Variants in SDK1 observed in about 807,000 individuals in gnomAD.
The protein encoded by SDK1 is sidekick cell adhesion molecule 1.
Under a neutral mutation model 245.5 loss-of-function variants are expected in SDK1, and 157 were observed. The observed-to-expected ratio is 0.64, with a 90% CI of 0.56 to 0.73. SDK1 has a LOEUF of 0.73. SDK1 is among the 30% of genes least tolerant of loss of function. The pLI, the probability that SDK1 is intolerant of heterozygous loss-of-function variation, is 0.00. For synonymous variants in SDK1, 1,647 were observed against 1,278.5 expected (o/e 1.29, Z -6.15); for missense variants, 3,583 against 3,002.3 (o/e 1.19, Z -4.52).
At chr7:3,304,007 A>T in intron 1 of SDK1, among the ~76,000 whole-genome samples, 1 of 152,148 alleles carries the variant, frequency 6.6e-6, no homozygotes, top group South Asian at 2.1e-4. Context: ...AGCTATGACT[A>T]ATTTCTCTGC....
intron 22 of SDK1, among the ~76,000 whole-genome samples, chr7:4,091,013 G>T (rs1781755374): frequency 6.6e-6 from 1 of 152,116 alleles, no homozygotes; most frequent in African/African-American, 2.4e-5. Flanking sequence ...CTGCTGCCCT[G>T]CTTGGACACC....
Position 3,789,976 on chromosome 7 carries a change from C to T in SDK1, c.714-31474C>T, listed in dbSNP as rs1000183935. On this transcript the variant is annotated intron_variant, in intron 4 of 44. Transcript: ENST00000404826. ...GTGGGAAGTTTACACACAGCATGGT[C>T]GCCAGCTAACTCTGCACCATTTCCT... Among the ~76,000 whole-genome samples the T allele has an allele frequency of 4.6e-5, 7 of 152,190 alleles. No homozygotes were observed. In the South Asian group the frequency reaches 1.0e-3, roughly 23 times the overall value.
chr7:3,677,277 A>G (rs1013013921), intron 4 of SDK1, among the ~76,000 whole-genome samples: 5 of 152,040 alleles, frequency 3.3e-5, no homozygotes, highest in African/African-American at 7.2e-5. Context: ...TTGGCCCTGG[A>G]TTCTTCTTTT....
intron 7 of SDK1, 98 bp from the exon 8 acceptor site, chr7:3,958,833 G>C: frequency 3.2e-6 from 3 of 944,864 alleles, no homozygotes; most frequent in Non-Finnish European, 5.0e-6. Context: ...AAATTTTCAA[G>C]AATGGTTTTT....
intron 37 of SDK1, 81 bp downstream of exon 37, chr7:4,208,366 G>A (rs1784347513): frequency 7.5e-7 from 1 of 1,328,550 alleles, no homozygotes; most frequent in East Asian, 2.4e-5. Flanking sequence ...CCCTCACACA[G>A]TGGTTCCCGG....
chr7:3,848,966 G>A (rs1020201670), intron 5 of SDK1, among the ~76,000 whole-genome samples: 2 of 152,158 alleles, frequency 1.3e-5, no homozygotes, highest in African/African-American at 2.4e-5. Context: ...CGCCGCGCCC[G>A]GCCTGGAGTT....
intron 4 of SDK1, among the ~76,000 whole-genome samples, chr7:3,660,073 G>C (rs1037313623): frequency 2.0e-5 from 3 of 152,130 alleles, no homozygotes; most frequent in Non-Finnish European, 4.4e-5. Context: ...TTAAAGGAAA[G>C]ATCAGACCGG....
intron 4 of SDK1, among the ~76,000 whole-genome samples, chr7:3,712,194 C>CCATCACTT (rs1344190434): frequency 6.6e-6 from 1 of 152,152 alleles, no homozygotes; most frequent in Non-Finnish European, 1.5e-5. Context: ...CAGCCATTCC[C>CCATCACTT]CATCACTTGC....
In SDK1 at chr7:4,166,018, G is replaced by C. The variant is rs190294429; in HGVS notation, c.4800+4162G>C. On this transcript the variant is annotated intron_variant, in intron 32 of 44. Coordinates refer to ENST00000404826, the MANE Select transcript of SDK1 (RefSeq NM_152744.4). The stretch of plus-strand genomic sequence containing the variant: ...TTCCCAGGCTGGTCTTAAACTCCTG[G>C]ACTCAAGCGATCCTCCTTCCTTGAC... 2.0e-5 allele frequency among the ~76,000 whole-genome samples: 3 copies of C among 150,636 alleles called. No individual in the cohort carries two copies. The East Asian group carries it at 5.9e-4, about 30-fold the overall frequency.
intron 5 of SDK1, among the ~76,000 whole-genome samples, chr7:3,922,712 C>G (rs1779637458): frequency 6.6e-6 from 1 of 152,170 alleles, no homozygotes; most frequent in South Asian, 2.1e-4. Context: ...ACAAAGCGTG[C>G]ACGTTTTACT....
chr7:3,669,805 T>G (rs531160905), intron 4 of SDK1, among the ~76,000 whole-genome samples: 1 of 152,312 alleles, frequency 6.6e-6, no homozygotes, highest in Admixed American at 6.5e-5. Context: ...ATTCATTGTA[T>G]TTTCCTGGAG....
At chr7:3,438,681 C>T (rs574743795) in intron 1 of SDK1, among the ~76,000 whole-genome samples, 1 of 152,206 alleles carries the variant, frequency 6.6e-6, no homozygotes, top group East Asian at 1.9e-4. Flanking sequence ...TCTCTATTGC[C>T]AACCCAAGTT....
chr7:3,718,575 ATAAATAAATAAATATC>A, intron 4 of SDK1, among the ~76,000 whole-genome samples: 1 of 55,436 alleles, frequency 1.8e-5, no homozygotes, highest in African/African-American at 5.9e-5. Context: ...AAATAAATAA[ATAAATAAATAAATATC>A]TAACACTCAT....
intron 2 of SDK1, among the ~76,000 whole-genome samples, chr7:3,622,633 A>C (rs1213080124): frequency 6.6e-6 from 1 of 152,220 alleles, no homozygotes; most frequent in African/African-American, 2.4e-5. Flanking sequence ...TTGTATTCTT[A>C]AGAGCCCTTG....
At chr7:3,952,609 TTATTC>T (rs1288606903) in intron 7 of SDK1, among the ~76,000 whole-genome samples, 1 of 151,868 alleles carries the variant, frequency 6.6e-6, no homozygotes, top group Non-Finnish European at 1.5e-5. Flanking sequence ...AATTTAGAAA[TTATTC>T]TATTAATTAT....
chr7:3,572,833 G>C (rs563773942), intron 1 of SDK1, among the ~76,000 whole-genome samples: 1 of 152,190 alleles, frequency 6.6e-6, no homozygotes, highest in African/African-American at 2.4e-5. Flanking sequence ...GAAAAATAGA[G>C]GGTGCTATTG....
At chr7:3,770,730 G>T (rs1392947135) in intron 4 of SDK1, among the ~76,000 whole-genome samples, 1 of 152,112 alleles carries the variant, frequency 6.6e-6, no homozygotes, top group Non-Finnish European at 1.5e-5. Flanking sequence ...TCAGTGGGCT[G>T]CCAGTTGGTT....
intron 7 of SDK1, among the ~76,000 whole-genome samples, chr7:3,953,836 C>T (rs1336006207): frequency 1.3e-5 from 2 of 152,104 alleles, no homozygotes; most frequent in Non-Finnish European, 2.9e-5. Context: ...AGTTAAATCC[C>T]CTTTTATTCA....
chr7:3,681,579 A>C (rs1784102396), intron 4 of SDK1, among the ~76,000 whole-genome samples: 1 of 152,212 alleles, frequency 6.6e-6, no homozygotes, highest in South Asian at 2.1e-4. Context: ...ATAACACTTA[A>C]TGTCTTTTGA....
Sources: allele counts gnomAD v4.1 joint callset (sites outside exome capture counted in the v4.1 genomes callset), GRCh38; gene constraint gnomAD v4.1.1; transcripts MANE v1.5; gene names NCBI Gene and HGNC (gene_info 2026-07-23, HGNC 2026-07-21).